MRC1: variants seen among roughly 807,000 people sequenced by gnomAD.
MRC1 encodes the protein macrophage mannose receptor 1.
Under a neutral mutation model 102.9 loss-of-function variants are expected in MRC1, and 62 were observed. The ratio of observed to expected loss-of-function variants is 0.60; its 90% CI spans 0.49 to 0.74. The LOEUF is 0.74. Ranked by LOEUF, MRC1 falls within the 30% of genes least tolerant of loss-of-function variation. The pLI is 0.00. For synonymous variants in MRC1, 457 were observed against 298.4 expected (o/e 1.53, Z -5.48); for missense variants, 1,237 against 862.8 (o/e 1.43, Z -5.43).
At chr10:17,901,825 A>G (rs1589196544) in intron 25 of MRC1, 148 bp from the exon 26 acceptor site, 20 of 722,780 alleles carry the variant, frequency 2.8e-5, no homozygotes, top group South Asian at 4.8e-5. Context: ...AGGAAACCCA[A>G]TAATAAATAT....
intron 14 of MRC1, 54 bp from the exon 15 acceptor site, chr10:17,871,928 G>A (rs1050759066): frequency 1.3e-6 from 1 of 756,312 alleles, no homozygotes; most frequent in Non-Finnish European, 2.5e-6. Context: ...ATGAATGATT[G>A]GCATTGGCTT....
chr10:17,910,215 C>G lies in MRC1; in HGVS notation c.4121C>G (p.Ala1374Gly). Residue 1374 changes from alanine (A) to glycine (G), a missense_variant and splice_region_variant, in exon 30 of 30, where the codon GCT becomes GGT. Physicochemically the swap from Ala to Gly is moderately conservative, Grantham distance 60. Coordinates refer to ENST00000569591, the MANE Select transcript of MRC1 (RefSeq NM_002438.4). ...CCATAATGATTTTATTTATTTATAG[C>G]TGACACAAGGAAGATGGACCCTTCT... The part of the protein sequence containing the change: ...KPTHELLTTK[A>G]DTRKMDPSKP... The G allele has an allele frequency of 1.3e-6, 1 of 780,844 alleles. No individual in the cohort carries two copies. Among genetic ancestry groups the G allele is most frequent in the Non-Finnish European group, 2.4e-6 (1 of 417,956 alleles). 48.4% of individuals were successfully genotyped at this position (780,844 alleles called of 1,614,324 possible). A position where few individuals can be genotyped will look rare whatever the true frequency, so the allele number is the denominator to read the frequency against.
At chr10:17,846,740 C>T (rs946137402) in intron 6 of MRC1, among the ~76,000 whole-genome samples, 1 of 152,140 alleles carries the variant, frequency 6.6e-6, no homozygotes, top group Non-Finnish European at 1.5e-5. Flanking sequence ...CATCATTCCA[C>T]GTAGAATATA....
At chr10:17,880,424 A>G in intron 19 of MRC1, 101 bp from the exon 20 acceptor site, 1 of 745,646 alleles carries the variant, frequency 1.3e-6, no homozygotes, top group Non-Finnish European at 2.5e-6. Flanking sequence ...TATAGTCTAA[A>G]TAAGTTTTGA....
At chr10:17,816,026 G>A (rs1484122107) in intron 1 of MRC1, among the ~76,000 whole-genome samples, 2 of 152,048 alleles carry the variant, frequency 1.3e-5, no homozygotes, top group Admixed American at 6.5e-5. Context: ...GTTCCACCAT[G>A]TTGGCCAGGC....
At chr10:17,903,384 TTTTTTTTC>T (rs1366601615) in intron 26 of MRC1, among the ~76,000 whole-genome samples, 31 of 140,906 alleles carry the variant, frequency 2.2e-4, no homozygotes, top group Admixed American at 1.0e-3. Context: ...TTTCTTTTCT[TTTTTTTTC>T]TTTTTTTTTT....
chr10:17,845,383 C>T lies in MRC1; in HGVS notation c.1011C>T (p.Gly337=), dbSNP rs970104437. ...ATCTGGAATGTGTTCAGAAACTGGG[C>T]TATATTTGCAAAAAGGGCAACACCA... ...WENLECVQKL[G]YICKKGNTTL... Residue 337 remains glycine, a synonymous_variant, in exon 6 of 30, where the codon GGC becomes GGT. Coordinates refer to ENST00000569591, the MANE Select transcript of MRC1 (RefSeq NM_002438.4). 1.3e-4 allele frequency: 100 copies of T among 780,682 alleles called. No homozygotes were observed. In the Admixed American group the frequency reaches 1.7e-3, roughly 13 times the overall value. The allele number at this position is 780,682 out of a possible 1,614,324, so 48.4% of individuals were successfully genotyped here.
In MRC1 at chr10:17,885,349, C is replaced by T; in HGVS notation, c.3061C>T (p.Leu1021Phe). The change falls in exon 22 of 30, where the codon CTT (leucine) becomes TTT (phenylalanine). Residue 1021 changes from leucine (L) to phenylalanine (F), a missense_variant. Physicochemically the swap from Leu to Phe is conservative, Grantham distance 22 (BLOSUM62 0). Transcript: ENST00000569591. Reference sequence around the variant, plus strand: ...TGATGTCAATTCAGAACACACGTTCCTTTGGACGGATGGACGAGGAGTCCA... The same window carrying T: ...TGATGTCAATTCAGAACACACGTTCTTTTGGACGGATGGACGAGGAGTCCA... The part of the protein sequence containing the change: ...LNDVNSEHTF[L>F]WTDGRGVHYT... 1 of 780,874 alleles carries T rather than the reference C, an allele frequency of 1.3e-6. No individual in the cohort carries two copies. The highest frequency in any genetic ancestry group is 1.3e-5 in the South Asian group (1 of 74,618). The allele number at this position is 780,874 out of a possible 1,614,324, so 48.4% of individuals were successfully genotyped here. A position where few individuals can be genotyped will look rare whatever the true frequency, so the allele number is the denominator to read the frequency against.
At chr10:17,899,206 A>C (rs1833796806) in intron 24 of MRC1, among the ~76,000 whole-genome samples, 1 of 152,218 alleles carries the variant, frequency 6.6e-6, no homozygotes, top group African/African-American at 2.4e-5. Flanking sequence ...AATTTATACA[A>C]TGAGTATTTC....
chr10:17,883,286 CCTGA>C (rs1589190847), intron 21 of MRC1, among the ~76,000 whole-genome samples: 1 of 151,956 alleles, frequency 6.6e-6, no homozygotes, highest in African/African-American at 2.4e-5. Context: ...CACCATCATA[CCTGA>C]CTAATTTTTA....
intron 7 of MRC1, 112 bp from the exon 8 acceptor site, chr10:17,852,855 A>AT: frequency 1.3e-6 from 1 of 773,370 alleles, no homozygotes; most frequent in Non-Finnish European, 2.4e-6. Context: ...TGGTGATCAT[A>AT]TCAAGGGAGG....
At chr10:17,838,569 A>G (rs1362702810) in intron 4 of MRC1, among the ~76,000 whole-genome samples, 1 of 146,846 alleles carries the variant, frequency 6.8e-6, no homozygotes, top group Admixed American at 6.8e-5. Context: ...AAAAAAAAAA[A>G]GAAAGTAAAA....
Position 17,809,358 on chromosome 10 carries a change from G to A in MRC1, c.-108G>A. On this transcript the variant is annotated 5_prime_UTR_variant, in exon 1 of 30. Coordinates refer to ENST00000569591, the MANE Select transcript of MRC1 (RefSeq NM_002438.4). ...CTCTGTAGTTCTTTTCAGCTGGGCA[G>A]CTCTGGGAACTTGGATTAGGTGGAG... The A allele has an allele frequency of 1.2e-6, 1 of 807,476 alleles. No homozygotes were observed. Among genetic ancestry groups the A allele is most frequent in the Middle Eastern group, 2.6e-4 (1 of 3,888 alleles). 50.0% of individuals were successfully genotyped at this position (807,476 alleles called of 1,614,324 possible).
chr10:17,867,295 G>A (rs941728267), intron 12 of MRC1, among the ~76,000 whole-genome samples: 36 of 118,250 alleles, frequency 3.0e-4, no homozygotes, highest in African/African-American at 9.3e-4. Context: ...TTCTTTCTTC[G>A]TTCCTTCTTC....
chr10:17,907,466 T>C (rs1187653737), intron 27 of MRC1, 68 bp from the exon 28 acceptor site: 3 of 777,740 alleles, frequency 3.9e-6, no homozygotes, highest in Non-Finnish European at 7.2e-6. Context: ...TTCACATAAA[T>C]TGGCTGAACT....
chr10:17,862,509 T>G (rs946384958), intron 10 of MRC1, among the ~76,000 whole-genome samples: 291 of 152,326 alleles, frequency 1.9e-3, no homozygotes, highest in Non-Finnish European at 3.2e-3. Context: ...TGGACATTTG[T>G]ACATCCAGAT....
chr10:17,884,204 A>G (rs1441289747), intron 21 of MRC1, among the ~76,000 whole-genome samples: 4 of 152,246 alleles, frequency 2.6e-5, no homozygotes, highest in East Asian at 1.9e-4. Context: ...CCTGGCCTCA[A>G]GCAATGTTGC....
chr10:17,812,477 C>G (rs1298434157), intron 1 of MRC1, among the ~76,000 whole-genome samples: 1 of 151,864 alleles, frequency 6.6e-6, no homozygotes, highest in Non-Finnish European at 1.5e-5. Flanking sequence ...TTACTGATGT[C>G]CATGCTGTAA....
intron 17 of MRC1, 56 bp downstream of exon 17, chr10:17,875,309 T>A (rs1833414909): frequency 1.3e-6 from 1 of 774,068 alleles, no homozygotes; most frequent in Non-Finnish European, 2.4e-6. Context: ...ACAGGTGTTG[T>A]TTGGTTGTAT....
Sources: gnomAD v4.1 joint callset for allele counts (sites outside exome capture counted in the v4.1 genomes callset) on GRCh38, gnomAD v4.1.1 for gene constraint, MANE v1.5 for transcripts, NCBI Gene and HGNC (gene_info 2026-07-23, HGNC 2026-07-21) for gene names.